KIF24: variants seen among roughly 807,000 people sequenced by gnomAD.
KIF24 encodes kinesin family member 24.
KIF24 carries 81 observed loss-of-function variants against 118.9 expected under a neutral mutation model. The observed-to-expected ratio is 0.68, with a 90% CI of 0.57 to 0.82. KIF24 has a LOEUF of 0.82. Ranked by LOEUF, KIF24 falls within the 40% of genes least tolerant of loss-of-function variation. KIF24 has a pLI of 0.00. For missense variants in KIF24, 1,560 were observed against 1,661.6 expected (o/e 0.94, Z 1.06); for synonymous variants, 599 against 610.0 (o/e 0.98, Z 0.27).
At chr9:34,308,679 T>C (rs1837023665) in intron 2 of KIF24, among the ~76,000 whole-genome samples, 1 of 152,170 alleles carries the variant, frequency 6.6e-6, no homozygotes, top group Non-Finnish European at 1.5e-5. Flanking sequence ...GGATAGAAAA[T>C]GTTTGGTCCT....
chr9:34,284,258 C>G (rs1397084952), intron 6 of KIF24, among the ~76,000 whole-genome samples: 1 of 151,882 alleles, frequency 6.6e-6, no homozygotes, highest in African/African-American at 2.4e-5. Context: ...CTGGACAGAG[C>G]AAGACCCTGT....
At chr9:34,259,128 C>T (rs1834962220) in intron 10 of KIF24, among the ~76,000 whole-genome samples, 1 of 152,180 alleles carries the variant, frequency 6.6e-6, no homozygotes, top group Non-Finnish European at 1.5e-5. Flanking sequence ...AGATCCTACC[C>T]TTCTCTGGAC....
intron 10 of KIF24, 140 bp downstream of exon 10, chr9:34,259,456 A>C: frequency 3.1e-6 from 2 of 637,050 alleles, no homozygotes; most frequent in Non-Finnish European, 5.5e-6. Flanking sequence ...TCAAGGTCAG[A>C]TCCCTATGTG....
At position 34,307,860 on chromosome 9, in the gene KIF24, GAAA is replaced by G. The variant is rs57149308; in HGVS notation, c.624-1422_624-1420del. Among the ~76,000 whole-genome samples, 291 of 113,970 alleles carry G rather than the reference GAAA, an allele frequency of 2.6e-3. 1 individual carries two copies. Among genetic ancestry groups the G allele is most frequent in the Middle Eastern group, 3.9e-3 (1 of 256 alleles). The allele number at this position is 113,970 out of a possible 152,430, so 74.8% of individuals were successfully genotyped here. Reference sequence around the variant, plus strand: ...TGGGCAACAGAGCAAGACTCTGTCTGAAAAAAAAAAAAAAAAAAAGAAAAAAGA... The same window carrying G: ...TGGGCAACAGAGCAAGACTCTGTCTGAAAAAAAAAAAAAAAAGAAAAAAGA... On this transcript the variant is annotated intron_variant, in intron 2 of 12. Transcript: ENST00000402558.
intron 3 of KIF24, among the ~76,000 whole-genome samples, chr9:34,305,753 A>AC (rs1836888931): frequency 1.3e-5 from 2 of 151,898 alleles, no homozygotes; most frequent in Admixed American, 6.6e-5. Flanking sequence ...ACAGGTACAC[A>AC]CCACCATGCT....
intron 6 of KIF24, among the ~76,000 whole-genome samples, chr9:34,279,214 T>C (rs1402831428): frequency 6.6e-6 from 1 of 152,218 alleles, no homozygotes; most frequent in African/African-American, 2.4e-5. Context: ...ATTTTATGTA[T>C]GTCATCTCAC....
chr9:34,270,939 A>G (rs1329855895), intron 7 of KIF24, among the ~76,000 whole-genome samples: 2 of 151,286 alleles, frequency 1.3e-5, no homozygotes, highest in African/African-American at 4.8e-5. Flanking sequence ...TCTCTTAAAA[A>G]AAAAAAATAG....
chr9:34,314,007 C>T (rs1339738066), intron 1 of KIF24, among the ~76,000 whole-genome samples: 2 of 151,668 alleles, frequency 1.3e-5, no homozygotes, highest in African/African-American at 4.8e-5. Context: ...CCTCCTGCCT[C>T]AGCCTCCCAA....
intron 1 of KIF24, chr9:34,319,788 T>G: frequency 1.8e-6 from 1 of 549,364 alleles, no homozygotes; most frequent in Non-Finnish European, 3.4e-6. Context: ...CAAACCAGGG[T>G]TCCCGTGTGC....
At chr9:34,313,569 C>T (rs528961980) in intron 1 of KIF24, among the ~76,000 whole-genome samples, 35 of 151,806 alleles carry the variant, frequency 2.3e-4, no homozygotes, top group Admixed American at 5.9e-4. Flanking sequence ...ATCTCAGCCT[C>T]CCAAGTAACT....
intron 10 of KIF24, among the ~76,000 whole-genome samples, chr9:34,258,838 T>G (rs960559553): frequency 5.3e-5 from 8 of 152,246 alleles, no homozygotes; most frequent in African/African-American, 1.9e-4. Flanking sequence ...ACTTGTCTAT[T>G]CCCAGGGTTT....
chr9:34,329,651 G>C (rs982349072), upstream of KIF24: 3 of 152,352 alleles, frequency 2.0e-5, no homozygotes, highest in African/African-American at 4.8e-5. Flanking sequence ...GAGGAAATGA[G>C]CCTTGGAGCG....
At chr9:34,286,292 C>T (rs1836048663) in intron 6 of KIF24, among the ~76,000 whole-genome samples, 1 of 152,130 alleles carries the variant, frequency 6.6e-6, no homozygotes, top group Non-Finnish European at 1.5e-5. Context: ...AGAGATTGTG[C>T]CATTGCACTC....
At position 34,306,448 on chromosome 9, in the gene KIF24, T is replaced by C. The variant is rs370890518; in HGVS notation, c.624-7A>G. On this transcript the variant is annotated splice_polypyrimidine_tract_variant and splice_region_variant and intron_variant, in intron 2 of 12. Coordinates refer to ENST00000402558, the MANE Select transcript of KIF24 (RefSeq NM_194313.4). ...TTTCTCTGAAGTGTTCTGTCTAATATGTTTATAAACAGGCTTTTAATTTTT... is the reference window on the plus strand; with the variant it reads ...TTTCTCTGAAGTGTTCTGTCTAATACGTTTATAAACAGGCTTTTAATTTTT... 1.3e-6 allele frequency: 2 copies of C among 1,561,980 alleles called. No homozygotes were observed. Among genetic ancestry groups the C allele is most frequent in the Admixed American group, 4.0e-5 (2 of 50,504 alleles).
intron 6 of KIF24, among the ~76,000 whole-genome samples, chr9:34,283,014 T>G (rs910493257): frequency 7.6e-6 from 1 of 131,956 alleles, no homozygotes; most frequent in Non-Finnish European, 1.5e-5. Flanking sequence ...ATCGAGCCAT[T>G]GCACTCCAGC....
At chr9:34,280,140 C>A (rs547804932) in intron 6 of KIF24, among the ~76,000 whole-genome samples, 1 of 151,042 alleles carries the variant, frequency 6.6e-6, no homozygotes, top group Non-Finnish European at 1.5e-5. Flanking sequence ...AAAAATTAGC[C>A]GGGCGTAGTG....
intron 3 of KIF24, among the ~76,000 whole-genome samples, chr9:34,302,527 G>A (rs1401201924): frequency 7.3e-5 from 11 of 150,798 alleles, no homozygotes; most frequent in Admixed American, 1.3e-4. Context: ...GTGCAGTGGC[G>A]CAATCTCAGC....
intron 2 of KIF24, among the ~76,000 whole-genome samples, chr9:34,307,922 A>G (rs925667932): frequency 6.6e-6 from 1 of 151,472 alleles, no homozygotes; most frequent in Non-Finnish European, 1.5e-5. Flanking sequence ...ATTGGGATTC[A>G]GTGTTCTATT....
chr9:34,276,334 G>A (rs997596155), intron 6 of KIF24, among the ~76,000 whole-genome samples: 6 of 151,232 alleles, frequency 4.0e-5, no homozygotes, highest in African/African-American at 7.3e-5. Flanking sequence ...CCCAGGAGGC[G>A]GAGGTTGCAG....
Sources: allele counts gnomAD v4.1 joint callset (sites outside exome capture counted in the v4.1 genomes callset), GRCh38; gene constraint gnomAD v4.1.1; transcripts MANE v1.5; gene names NCBI Gene and HGNC (gene_info 2026-07-23, HGNC 2026-07-21).